Variants in TDRD3 observed in about 807,000 individuals in gnomAD.
TDRD3 encodes tudor domain containing 3, also known as tudor domain-containing protein 3.
Under a neutral mutation model 86.7 loss-of-function variants are expected in TDRD3, and 45 were observed. The observed-to-expected ratio is 0.52, with a 90% confidence interval of 0.41 to 0.67. The LOEUF is 0.67. TDRD3 is among the 30% of genes least tolerant of loss of function. The pLI, the probability that TDRD3 is intolerant of heterozygous loss-of-function variation, is 0.00. For synonymous variants in TDRD3, 298 were observed against 301.7 expected (o/e 0.99, Z 0.13); for missense variants, 814 against 889.0 (o/e 0.92, Z 1.07).
intron 12 of TDRD3, among the ~76,000 whole-genome samples, chr13:60,566,263 CTT>C (rs917757095): frequency 2.1e-5 from 3 of 143,468 alleles, no homozygotes; most frequent in Admixed American, 7.0e-5. Context: ...AATAATAGTT[CTT>C]TTTTTTTTTT....
At chr13:60,443,420 T>C (rs1259364787) in intron 2 of TDRD3, among the ~76,000 whole-genome samples, 3 of 152,144 alleles carry the variant, frequency 2.0e-5, no homozygotes, top group African/African-American at 7.2e-5. Context: ...ATTTGGCTCT[T>C]AATTTGCCAT....
intron 2 of TDRD3, among the ~76,000 whole-genome samples, chr13:60,443,687 C>T (rs762240812): frequency 6.6e-6 from 1 of 151,830 alleles, no homozygotes; most frequent in Admixed American, 6.6e-5. Flanking sequence ...AGTGTTTTCT[C>T]CTTAAGTCTA....
At chr13:60,547,384 C>G in intron 12 of TDRD3, 1 of 985,342 alleles carries the variant, frequency 1.0e-6, no homozygotes, top group Non-Finnish European at 1.2e-6. Flanking sequence ...ACTTCCACCT[C>G]CCTTTTTGCC....
chr13:60,494,843 G>T (rs958396182), intron 8 of TDRD3, among the ~76,000 whole-genome samples: 4 of 152,172 alleles, frequency 2.6e-5, no homozygotes, highest in Non-Finnish European at 5.9e-5. Flanking sequence ...AAAAGATGAT[G>T]CATCAAAAAC....
At chr13:60,564,607 G>A (rs1228578418) in intron 12 of TDRD3, among the ~76,000 whole-genome samples, 1 of 152,078 alleles carries the variant, frequency 6.6e-6, no homozygotes, top group Non-Finnish European at 1.5e-5. Context: ...CACCTCTCTT[G>A]GTTTATAGAC....
At chr13:60,491,114 CAAA>C (rs35355225) in intron 7 of TDRD3, among the ~76,000 whole-genome samples, 1 of 75,670 alleles carries the variant, frequency 1.3e-5, no homozygotes. Flanking sequence ...AACTCCATCT[CAAA>C]AAAAAAAAAA....
chr13:60,437,987 A>G (rs947440851), intron 1 of TDRD3, among the ~76,000 whole-genome samples: 1 of 151,986 alleles, frequency 6.6e-6, no homozygotes, highest in African/African-American at 2.4e-5. Context: ...TCCCACAGCC[A>G]CTTTGAGCTC....
chr13:60,398,344 AG>A (rs1953999827), intron 1 of TDRD3, among the ~76,000 whole-genome samples: 1 of 152,212 alleles, frequency 6.6e-6, no homozygotes, highest in Non-Finnish European at 1.5e-5. Context: ...GTACGTACAG[AG>A]GAACAGATGA....
chr13:60,480,386 T>C (rs543384237), intron 5 of TDRD3, among the ~76,000 whole-genome samples: 25 of 152,316 alleles, frequency 1.6e-4, no homozygotes, highest in Admixed American at 1.4e-3. Flanking sequence ...GGATTCTTTT[T>C]GTAAGGCCCC....
chr13:60,498,298 T>C (rs1010585101), intron 8 of TDRD3, among the ~76,000 whole-genome samples: 2 of 152,200 alleles, frequency 1.3e-5, no homozygotes, highest in African/African-American at 4.8e-5. Flanking sequence ...CAGTGTGAAC[T>C]GCAGTCACTC....
chr13:60,561,703 A>G (rs1958336986), intron 12 of TDRD3, among the ~76,000 whole-genome samples: 1 of 152,128 alleles, frequency 6.6e-6, no homozygotes, highest in Non-Finnish European at 1.5e-5. Flanking sequence ...TGGGTACCAC[A>G]GTGAGGGGCA....
At chr13:60,426,482 A>T (rs1836561756) in intron 1 of TDRD3, among the ~76,000 whole-genome samples, 1 of 152,234 alleles carries the variant, frequency 6.6e-6, no homozygotes, top group South Asian at 2.1e-4. Flanking sequence ...CACTATGGTA[A>T]CTATTTTACT....
chr13:60,408,761 T>C (rs1954292158), intron 1 of TDRD3, among the ~76,000 whole-genome samples: 1 of 152,156 alleles, frequency 6.6e-6, no homozygotes, highest in African/African-American at 2.4e-5. Flanking sequence ...CACAAAAGTT[T>C]GGAAAATTTG....
At chr13:60,504,781 A>G (rs1956900512) in intron 8 of TDRD3, among the ~76,000 whole-genome samples, 1 of 152,138 alleles carries the variant, frequency 6.6e-6, no homozygotes, top group Admixed American at 6.5e-5. Context: ...TGTGCAGCCC[A>G]TGGAGGGCGA....
intron 8 of TDRD3, among the ~76,000 whole-genome samples, chr13:60,498,528 C>G (rs1489723546): frequency 1.3e-5 from 2 of 151,966 alleles, no homozygotes; most frequent in African/African-American, 2.4e-5. Context: ...TACTGCATTC[C>G]TACATAATTT....
chr13:60,488,471 A>G (rs1448539304), intron 7 of TDRD3, among the ~76,000 whole-genome samples: 1 of 152,212 alleles, frequency 6.6e-6, no homozygotes, highest in Admixed American at 6.5e-5. Context: ...TCAATGGTAA[A>G]TGATGTTGAC....
At chr13:60,461,141 A>G (rs2138055343) in intron 4 of TDRD3, 1 of 152,290 alleles carries the variant, frequency 6.6e-6, no homozygotes, top group African/African-American at 2.4e-5. Flanking sequence ...GTTAGAACAA[A>G]CAGAATTTTT....
rs555320729 is a variant in TDRD3 at position 60,516,785 on chromosome 13, C to CCTTCA, written c.1141+6033_1141+6037dup. ...CTCCACTCACCATGTATCATTTCCA[C>CCTTCA]CTTCACTGCCCTACTTCAGGCCTTC... is the stretch of plus-strand genomic sequence containing the variant. On this transcript the variant is annotated intron_variant, in intron 10 of 13. Coordinates refer to ENST00000377881, the MANE Select transcript of TDRD3 (RefSeq NM_001146070.2). Among the ~76,000 whole-genome samples the CCTTCA allele has an allele frequency of 8.5e-5, 13 of 152,310 alleles. No homozygotes were observed. In the East Asian group the frequency reaches 2.5e-3, roughly 29 times the overall value.
At chr13:60,416,111 A>G (rs1007935495) in intron 1 of TDRD3, among the ~76,000 whole-genome samples, 1 of 152,186 alleles carries the variant, frequency 6.6e-6, no homozygotes, top group Non-Finnish European at 1.5e-5. Context: ...TTGATAAGGT[A>G]TTGATTTTAG....
Sources: gnomAD v4.1 joint callset for allele counts (sites outside exome capture counted in the v4.1 genomes callset) on GRCh38, gnomAD v4.1.1 for gene constraint, MANE v1.5 for transcripts, NCBI Gene and HGNC (gene_info 2026-07-23, HGNC 2026-07-21) for gene names.